CAPS2: variants seen among roughly 807,000 people sequenced by gnomAD.
The protein encoded by CAPS2 is calcyphosin-2.
CAPS2 carries 98 observed loss-of-function variants against 86.5 expected under a neutral mutation model. The observed-to-expected ratio is 1.13, with a 90% CI of 0.96 to 1.34. The LOEUF is 1.34. CAPS2 is among the 40% of genes most tolerant of loss of function. The pLI is 0.00. For missense variants in CAPS2, 729 were observed against 686.8 expected, an observed-to-expected ratio of 1.06 and a Z score of -0.69; for synonymous variants, 210 against 225.1, an observed-to-expected ratio of 0.93 and a Z score of 0.60.
Position 75,291,824 on chromosome 12 carries a change from C to G in CAPS2, c.1164-4G>C. 1 of 1,493,978 alleles carries G rather than the reference C, an allele frequency of 6.7e-7. No homozygotes were observed. The highest frequency in any genetic ancestry group is 1.8e-5 in the Admixed American group (1 of 56,716). 92.5% of individuals were successfully genotyped at this position (1,493,978 alleles called of 1,614,324 possible). A position where few individuals can be genotyped will look rare whatever the true frequency, so the allele number is the denominator to read the frequency against. On this transcript the variant is annotated splice_region_variant and splice_polypyrimidine_tract_variant and intron_variant, in intron 12 of 16. Transcript: ENST00000393284. ...CTCCTGTTCCATAGAAGCAGTTCTG[C>G]AATTGACATGTTCACAGGGATGAAA... is the stretch of plus-strand genomic sequence containing the variant.
chr12:75,334,650 G>C (rs1400972450), upstream of CAPS2: 3 of 1,550,240 alleles, frequency 1.9e-6, no homozygotes, highest in African/African-American at 4.1e-5. Context: ...CGTGGTGCGG[G>C]GGCGTGGGGA....
At chr12:75,321,992 C>G (rs1409961763) in intron 4 of CAPS2, among the ~76,000 whole-genome samples, 2 of 151,954 alleles carry the variant, frequency 1.3e-5, no homozygotes, top group Non-Finnish European at 2.9e-5. Context: ...GTTGTCATTT[C>G]TAGAATATCA....
At chr12:75,323,669 G>T (rs527371867) in intron 2 of CAPS2, among the ~76,000 whole-genome samples, 12 of 152,210 alleles carry the variant, frequency 7.9e-5, no homozygotes, top group Admixed American at 3.3e-4. Flanking sequence ...CTTGAACCTA[G>T]GAGGCAGAGG....
intron 7 of CAPS2, chr12:75,305,575 C>T (rs1173443894): frequency 1.6e-6 from 1 of 631,972 alleles, no homozygotes; most frequent in Non-Finnish European, 3.0e-6. Flanking sequence ...GCCGCAGAGC[C>T]CTCCTCCAGA....
At chr12:75,311,733 A>C (rs1332000978) in intron 7 of CAPS2, among the ~76,000 whole-genome samples, 2 of 117,356 alleles carry the variant, frequency 1.7e-5, no homozygotes, top group Admixed American at 9.0e-5. Flanking sequence ...ACAAAAAAAA[A>C]AAAAAAAACC....
upstream of CAPS2, among the ~76,000 whole-genome samples, chr12:75,327,099 C>A (rs1033185014): frequency 6.6e-5 from 10 of 152,118 alleles, no homozygotes; most frequent in Non-Finnish European, 1.2e-4. Context: ...GTACTTCTGA[C>A]CTCCAGAACT....
exon 12 of CAPS2, chr12:75,293,256 A>T: frequency 6.3e-7 from 1 of 1,579,222 alleles, no homozygotes; most frequent in South Asian, 1.1e-5. Context: ...TACTTGAGAG[A>T]ATCCAAAGCT....
At chr12:75,363,047 C>A in intron 1 of CAPS2, 2 of 918,578 alleles carry the variant, frequency 2.2e-6, no homozygotes, top group Non-Finnish European at 3.3e-6. Flanking sequence ...CATGCATGAA[C>A]AAAATTGGAG....
At chr12:75,276,385 A>G, downstream of CAPS2, 1 of 1,367,456 alleles carries the variant, frequency 7.3e-7, no homozygotes, top group Admixed American at 3.6e-5. Context: ...ATACTTGATA[A>G]CAAACAACTT....
upstream of CAPS2, among the ~76,000 whole-genome samples, chr12:75,332,768 T>C (rs2041421714): frequency 2.6e-5 from 4 of 152,166 alleles, no homozygotes. Flanking sequence ...AAAGCTACTG[T>C]TGTGGTGAAG....
At chr12:75,331,194 G>A (rs2041275536), upstream of CAPS2, among the ~76,000 whole-genome samples, 1 of 152,136 alleles carries the variant, frequency 6.6e-6, no homozygotes, top group African/African-American at 2.4e-5. Flanking sequence ...ACTCTAATAT[G>A]CACTAACTTT....
intron 1 of CAPS2, chr12:75,371,007 C>T (rs1356574591): frequency 5.9e-5 from 9 of 152,150 alleles, no homozygotes; most frequent in Non-Finnish European, 1.3e-4. Flanking sequence ...TGCATTAGGG[C>T]TCTCTAAAGG....
At chr12:75,334,665 G>C, upstream of CAPS2, 1 of 1,561,062 alleles carries the variant, frequency 6.4e-7, no homozygotes, top group Non-Finnish European at 8.7e-7. Context: ...TGGGGAAATC[G>C]GGTTGCCCCA....
downstream of CAPS2, chr12:75,276,234 C>A (rs1395038235): frequency 6.5e-7 from 1 of 1,543,082 alleles, no homozygotes; most frequent in South Asian, 1.2e-5. Context: ...TCATGTTTGT[C>A]CTTGCTGGTC....
At chr12:75,288,349 T>C (rs996582800) in intron 14 of CAPS2, among the ~76,000 whole-genome samples, 3 of 150,708 alleles carry the variant, frequency 2.0e-5, no homozygotes, top group Non-Finnish European at 4.4e-5. Flanking sequence ...CAGATTCCCA[T>C]GTAATTTTCT....
chr12:75,363,273 A>T (rs1255352136), intron 1 of CAPS2: 16 of 559,330 alleles, frequency 2.9e-5, no homozygotes, highest in Non-Finnish European at 4.6e-5. Context: ...TGGCTTCTCA[A>T]GTTTACAAAC....
intron 1 of CAPS2, among the ~76,000 whole-genome samples, chr12:75,386,448 G>C (rs1593961940): frequency 1.3e-5 from 2 of 152,162 alleles, no homozygotes; most frequent in African/African-American, 4.8e-5. Flanking sequence ...GAGGAAGAGA[G>C]TGCATGCACA....
At chr12:75,329,577 A>AG (rs1460119589), upstream of CAPS2, among the ~76,000 whole-genome samples, 1 of 152,088 alleles carries the variant, frequency 6.6e-6, no homozygotes, top group Non-Finnish European at 1.5e-5. Context: ...ATATCAAATC[A>AG]GAAAAAAATG....
At chr12:75,314,561 G>C (rs1336866186) in intron 6 of CAPS2, among the ~76,000 whole-genome samples, 1 of 151,920 alleles carries the variant, frequency 6.6e-6, no homozygotes, top group Admixed American at 6.6e-5. Context: ...TTTTTATTTA[G>C]TAATAAATTT....
Sources: allele counts gnomAD v4.1 joint callset (sites outside exome capture counted in the v4.1 genomes callset), GRCh38; gene constraint gnomAD v4.1.1; transcripts MANE v1.5; gene names NCBI Gene and HGNC (gene_info 2026-07-23, HGNC 2026-07-21).